AHCTF1: variants seen among roughly 807,000 people sequenced by gnomAD.
AHCTF1 encodes the protein AT-hook containing transcription factor 1.
Under a neutral mutation model 248.4 loss-of-function variants are expected in AHCTF1, and 24 were observed. The observed-to-expected ratio is 0.10, with a 90% CI of 0.07 to 0.14. AHCTF1 has a LOEUF of 0.14. AHCTF1 is among the 10% of genes least tolerant of loss of function. The pLI is 1.00. For synonymous variants in AHCTF1, 786 were observed against 929.8 expected (o/e 0.85, Z 2.81); for missense variants, 2,206 against 2,636.2 (o/e 0.84, Z 3.57).
intron 24 of AHCTF1, among the ~76,000 whole-genome samples, chr1:246,869,442 G>A (rs1447539579): frequency 6.6e-6 from 1 of 152,172 alleles, no homozygotes; most frequent in Non-Finnish European, 1.5e-5. Context: ...AAAAGAACCT[G>A]AAGGAAATTA....
rs780379363 is a variant in AHCTF1, at chr1:246,851,328, T to C, written c.4678A>G (p.Ile1560Val). The C allele has an allele frequency of 1.7e-5, 28 of 1,614,040 alleles. No individual in the cohort carries two copies. The highest frequency in any genetic ancestry group is 8.0e-5 in the African/African-American group (6 of 74,940). ...TLKLQYNFDT[I>V]DQQFCDLADN... ...GCTAAGTCACAAAACTGTTGGTCAA[T>C]AGTATCAAAATTGTACTGAAGCTTA... The change falls in exon 33 of 36, where the codon ATT becomes GTT. Residue 1560 changes from isoleucine (I) to valine (V), a missense_variant. Ile to Val is a conservative substitution (Grantham distance 29). Transcript: ENST00000648844.
intron 29 of AHCTF1, among the ~76,000 whole-genome samples, chr1:246,858,702 G>A (rs1661290543): frequency 6.6e-6 from 1 of 151,752 alleles, no homozygotes; most frequent in Admixed American, 6.6e-5. Flanking sequence ...GCACGTGCCT[G>A]TAATCCCAGC....
chr1:246,848,068 T>C (rs1336156130), intron 33 of AHCTF1, among the ~76,000 whole-genome samples: 5 of 152,190 alleles, frequency 3.3e-5, no homozygotes, highest in Non-Finnish European at 5.9e-5. Context: ...AATTAAGTTA[T>C]ACTACCAAAA....
rs371075057 is a variant in AHCTF1, at chr1:246,872,265, T to C, written c.3088+3772A>G. 4.7e-3 allele frequency among the ~76,000 whole-genome samples: 723 copies of C among 152,240 alleles called. 8 individuals carry two copies. Among genetic ancestry groups the C allele is most frequent in the African/African-American group, 0.016 (675 of 41,546 alleles). On this transcript the variant is annotated intron_variant, in intron 24 of 35. Coordinates refer to ENST00000648844, the MANE Select transcript of AHCTF1 (RefSeq NM_001323342.2). ...AAAATAATACTCAGATCGGGCTCCC[T>C]TGTGACTCCACTAACCCAAGCTGTC...
chr1:246,925,596 G>A lies in AHCTF1; in HGVS notation c.-8+5982C>T, dbSNP rs560601656. Among the ~76,000 whole-genome samples the A allele has an allele frequency of 2.0e-5, 3 of 152,190 alleles. No homozygotes were observed. In the East Asian group the frequency reaches 5.8e-4, roughly 29 times the overall value. On this transcript the variant is annotated intron_variant, in intron 1 of 35. Coordinates refer to ENST00000648844, the MANE Select transcript of AHCTF1 (RefSeq NM_001323342.2). The stretch of plus-strand genomic sequence containing the variant: ...GATCAGGCCACTGCACTCCAGCCTG[G>A]GCAAGATCCTGTTTCTAAAAATATA...
At chr1:246,893,882 T>C (rs1664385407) in intron 14 of AHCTF1, among the ~76,000 whole-genome samples, 1 of 152,234 alleles carries the variant, frequency 6.6e-6, no homozygotes, top group South Asian at 2.1e-4. Context: ...GTTGCCAGTT[T>C]AATGACCTGC....
chr1:246,929,136 C>T (rs1271506772), intron 1 of AHCTF1, among the ~76,000 whole-genome samples: 2 of 152,252 alleles, frequency 1.3e-5, no homozygotes, highest in Admixed American at 6.5e-5. Context: ...GGGCTGGGTG[C>T]GGTGGTTCAC....
Position 246,839,471 on chromosome 1 carries a change from AAG to A in AHCTF1, c.*1333_*1334del, listed in dbSNP as rs1388431055. The A allele has an allele frequency of 1.1e-6, 1 of 909,440 alleles. No homozygotes were observed. Among genetic ancestry groups the A allele is most frequent in the African/African-American group, 1.8e-5 (1 of 55,284 alleles). 56.3% of individuals were successfully genotyped at this position (909,440 alleles called of 1,614,324 possible). A position where few individuals can be genotyped will look rare whatever the true frequency, so the allele number is the denominator to read the frequency against. ...ACAAGTTTGATAACTATCATTAAAA[AAG>A]TAATAAAATCAAAGTCAGTGAAATT... is the stretch of plus-strand genomic sequence containing the variant. On this transcript the variant is annotated 3_prime_UTR_variant, in exon 36 of 36. Transcript: ENST00000648844.
intron 35 of AHCTF1, 151 bp downstream of exon 35, chr1:246,842,543 C>T: frequency 2.1e-6 from 1 of 473,138 alleles, no homozygotes; most frequent in South Asian, 8.0e-5. Context: ...AATCACACCA[C>T]TGCACTCCAG....
intron 24 of AHCTF1, among the ~76,000 whole-genome samples, chr1:246,870,723 C>CAAAAAAAA: frequency 9.1e-6 from 1 of 110,164 alleles, no homozygotes; most frequent in Non-Finnish European, 2.0e-5. Context: ...TATAAAACCT[C>CAAAAAAAA]AAAAAAAAAA....
chr1:246,882,517 C>A (rs1469098608), intron 21 of AHCTF1, among the ~76,000 whole-genome samples: 1 of 152,062 alleles, frequency 6.6e-6, no homozygotes, highest in Admixed American at 6.5e-5. Context: ...CTGTGGGATG[C>A]CGCTAAGGTG....
At chr1:246,930,468 C>G (rs1667266240) in intron 1 of AHCTF1, among the ~76,000 whole-genome samples, 1 of 151,984 alleles carries the variant, frequency 6.6e-6, no homozygotes, top group Non-Finnish European at 1.5e-5. Flanking sequence ...AACATCCCTT[C>G]AAGTATTAAC....
At chr1:246,891,704 G>C in intron 15 of AHCTF1, 75 bp downstream of exon 15, 1 of 1,491,268 alleles carries the variant, frequency 6.7e-7, no homozygotes, top group Admixed American at 1.9e-5. Context: ...CTAAGACATG[G>C]GAAATGTTAT....
Position 246,840,399 on chromosome 1 carries a change from G to A in AHCTF1, c.*407C>T, listed in dbSNP as rs1377792918. On this transcript the variant is annotated 3_prime_UTR_variant, in exon 36 of 36. Coordinates refer to ENST00000648844, the MANE Select transcript of AHCTF1 (RefSeq NM_001323342.2). ...GTGCATAAATTATAAAATAGTAACT[G>A]TAAAAAGAAATATCAATACTTCAAT... 1.3e-5 allele frequency: 2 copies of A among 152,772 alleles called. No homozygotes were observed. The highest frequency in any genetic ancestry group is 4.8e-5 in the African/African-American group (2 of 41,440). 9.5% of individuals were successfully genotyped at this position (152,772 alleles called of 1,614,324 possible). A position where few individuals can be genotyped will look rare whatever the true frequency, so the allele number is the denominator to read the frequency against.
intron 26 of AHCTF1, among the ~76,000 whole-genome samples, chr1:246,865,754 A>C (rs1303510657): frequency 2.5e-5 from 2 of 81,142 alleles, no homozygotes; most frequent in Non-Finnish European, 4.1e-5. Flanking sequence ...TAATAGTTTA[A>C]AGGTTCTGAG....
At chr1:246,880,151 CTG>C (rs1339570528) in intron 21 of AHCTF1, among the ~76,000 whole-genome samples, 2 of 151,968 alleles carry the variant, frequency 1.3e-5, no homozygotes, top group African/African-American at 4.8e-5. Flanking sequence ...TGGGAATTCA[CTG>C]TGTCATCATT....
chr1:246,931,094 C>G (rs1377292123), intron 1 of AHCTF1: 4 of 1,546,926 alleles, frequency 2.6e-6, no homozygotes, highest in Non-Finnish European at 3.5e-6. Flanking sequence ...CGGCTGAGCC[C>G]CGAGTCCAAC....
At chr1:246,905,913 CGT>C (rs1380081459) in intron 5 of AHCTF1, among the ~76,000 whole-genome samples, 3 of 152,066 alleles carry the variant, frequency 2.0e-5, no homozygotes, top group African/African-American at 7.2e-5. Context: ...TTTATGTGTG[CGT>C]GTAACTGGTC....
chr1:246,891,178 A>T, intron 15 of AHCTF1, 118 bp from the exon 16 acceptor site: 1 of 583,660 alleles, frequency 1.7e-6, no homozygotes, highest in Non-Finnish European at 2.9e-6. Context: ...TTACATATAC[A>T]TATTTGTTCA....
Sources: gnomAD v4.1 joint callset for allele counts (sites outside exome capture counted in the v4.1 genomes callset) on GRCh38, gnomAD v4.1.1 for gene constraint, MANE v1.5 for transcripts, NCBI Gene and HGNC (gene_info 2026-07-23, HGNC 2026-07-21) for gene names.